PLG: variants seen among roughly 807,000 people sequenced by gnomAD.
PLG encodes the protein plasmin.
In PLG, 41 loss-of-function variants were observed where a neutral mutation model predicts 104.4. The ratio of observed to expected loss-of-function variants is 0.39; its 90% CI spans 0.31 to 0.51. The LOEUF is 0.51. Among genes scored for constraint, PLG ranks in the 20% least tolerant of loss-of-function variants. The pLI is 0.76. For missense variants in PLG, 891 were observed against 1,003.6 expected, an observed-to-expected ratio of 0.89 and a Z score of 1.52; for synonymous variants, 337 against 357.1, an observed-to-expected ratio of 0.94 and a Z score of 0.63.
chr6:160,715,041 C>A (rs1183575463), intron 6 of PLG, 127 bp downstream of exon 6: 3 of 918,336 alleles, frequency 3.3e-6, no homozygotes, highest in Non-Finnish European at 5.2e-6. Context: ...AATTTCAAAG[C>A]TAACCTCCTC....
chr6:160,743,201 T>A (rs756518834), intron 17 of PLG, among the ~76,000 whole-genome samples: 3 of 152,178 alleles, frequency 2.0e-5, no homozygotes, highest in Non-Finnish European at 4.4e-5. Context: ...GTGAAGAATA[T>A]CATTGGCAGT....
Position 160,724,900 on chromosome 6 carries a change from T to TA in PLG, c.1256+2335dup, listed in dbSNP as rs1440053429. 6.6e-6 allele frequency among the ~76,000 whole-genome samples: 1 copy of TA among 152,186 alleles called. No individual in the cohort carries two copies. Among genetic ancestry groups the TA allele is most frequent in the African/African-American group, 2.4e-5 (1 of 41,460 alleles). On this transcript the variant is annotated intron_variant, in intron 10 of 18. Coordinates refer to ENST00000308192, the MANE Select transcript of PLG (RefSeq NM_000301.5). The surrounding 1 kb of genome is among the most constrained non-coding windows in gnomAD (Gnocchi z 5.0). The stretch of plus-strand genomic sequence containing the variant: ...TGCCAGATGGGAACTTTATACTAAG[T>TA]AATGAAGAACCCTGGAAATGGCAAA...
intron 3 of PLG, 21 bp from the exon 4 acceptor site, chr6:160,711,055 CA>C (rs1777631272): frequency 6.2e-7 from 1 of 1,612,038 alleles, no homozygotes. Context: ...AGACTTTGAC[CA>C]CTGTGTGGAC....
rs780494393 is a variant in PLG at position 160,718,726 on chromosome 6, C to T, written c.984C>T (p.Asp328=). ...NLDENYCRNP[D]GKRAPWCHTT... ...ATGAAAACTACTGCCGCAATCCTGACGGAAAAAGGGCCCCATGGTGCCATA... is the reference window on the plus strand; with the variant it reads ...ATGAAAACTACTGCCGCAATCCTGATGGAAAAAGGGCCCCATGGTGCCATA... Residue 328 remains aspartate, a synonymous_variant, in exon 9 of 19, where the codon GAC becomes GAT. Coordinates refer to ENST00000308192, the MANE Select transcript of PLG (RefSeq NM_000301.5). The T allele has an allele frequency of 6.2e-6, 10 of 1,613,748 alleles. No individual in the cohort carries two copies. The highest frequency in any genetic ancestry group is 4.0e-5 in the African/African-American group (3 of 74,876).
chr6:160,750,002 T>A (rs1344469549), intron 17 of PLG, among the ~76,000 whole-genome samples: 1 of 152,130 alleles, frequency 6.6e-6, no homozygotes, highest in Non-Finnish European at 1.5e-5. Context: ...GTTTCTTCAG[T>A]CCCACCGCCA....
intron 17 of PLG, among the ~76,000 whole-genome samples, chr6:160,750,739 AAG>A (rs1778388420): frequency 6.6e-6 from 1 of 152,214 alleles, no homozygotes; most frequent in Admixed American, 6.5e-5. Flanking sequence ...GCTTTGGGGA[AAG>A]AGAGAGTGCC....
rs750439464 is a variant in PLG at position 160,752,221 on chromosome 6, C to A, written c.2232C>A (p.Leu744=). 1.2e-6 allele frequency: 2 copies of A among 1,613,932 alleles called. No individual in the cohort carries two copies. Among genetic ancestry groups the A allele is most frequent in the Non-Finnish European group, 1.7e-6 (2 of 1,179,904 alleles). ...ATGGAAGAGTCCAATCCACCGAACT[C>A]TGTGCTGGGCATTTGGCCGGAGGCA... ...FLNGRVQSTE[L]CAGHLAGGTD... is the part of the protein sequence containing the mutation. The change falls in exon 18 of 19, where the codon CTC becomes CTA. Residue 744 remains leucine, a synonymous_variant. Transcript: ENST00000308192. The surrounding 1 kb of genome is among the most constrained non-coding windows in gnomAD (Gnocchi z 4.7).
chr6:160,715,668 G>A (rs1268420410), intron 6 of PLG, among the ~76,000 whole-genome samples: 1 of 152,154 alleles, frequency 6.6e-6, no homozygotes, highest in Non-Finnish European at 1.5e-5. Flanking sequence ...CAAGAATGCA[G>A]AAGTGAGGCT....
At chr6:160,750,161 T>C (rs568818027) in intron 17 of PLG, among the ~76,000 whole-genome samples, 3 of 152,236 alleles carry the variant, frequency 2.0e-5, no homozygotes, top group Non-Finnish European at 4.4e-5. Flanking sequence ...AGATGTTCCC[T>C]GACTTGGATA....
intron 5 of PLG, among the ~76,000 whole-genome samples, chr6:160,713,828 T>C (rs1369582593): frequency 2.0e-5 from 3 of 152,200 alleles, no homozygotes; most frequent in Non-Finnish European, 4.4e-5. Flanking sequence ...ATTATTTGAA[T>C]GGACTGAGCA....
chr6:160,718,612 C>T (rs1777782899), intron 8 of PLG, 81 bp from the exon 9 acceptor site: 2 of 1,484,920 alleles, frequency 1.3e-6, no homozygotes, highest in Admixed American at 1.7e-5. Flanking sequence ...ACGTTTTTTC[C>T]CGTAACGGTT....
chr6:160,725,076 A>G lies in PLG; in HGVS notation c.1256+2509A>G, dbSNP rs1037421262. On this transcript the variant is annotated intron_variant, in intron 10 of 18. Transcript: ENST00000308192. This position sits in a 1 kb window ranked among gnomAD's most constrained non-coding sequence, Gnocchi z 6.3. ...CTAAAAATACAAAAATTAGCTGGGC[A>G]TGGTGGCACGTGCCTGTAATCCCAG... Among the ~76,000 whole-genome samples, 4 of 152,108 alleles carry G rather than the reference A, an allele frequency of 2.6e-5. No individual in the cohort carries two copies. The highest frequency in any genetic ancestry group is 4.4e-5 in the Non-Finnish European group (3 of 68,008).
In PLG at chr6:160,714,807, T is replaced by C; in HGVS notation, c.561T>C (p.His187=). The part of the protein sequence containing the change: ...DILECEEECM[H]CSGENYDGKI... Reference sequence around the variant, plus strand: ...CACTCTGTCCAGAGGAATGTATGCATTGCAGTGGAGAAAACTATGACGGCA... The same window carrying C: ...CACTCTGTCCAGAGGAATGTATGCACTGCAGTGGAGAAAACTATGACGGCA... Residue 187 remains histidine, a synonymous_variant, in exon 6 of 19, where the codon CAT becomes CAC. Coordinates refer to ENST00000308192, the MANE Select transcript of PLG (RefSeq NM_000301.5). 1 of 1,613,778 alleles carries C rather than the reference T, an allele frequency of 6.2e-7. No homozygotes were observed. Among genetic ancestry groups the C allele is most frequent in the Non-Finnish European group, 8.5e-7 (1 of 1,179,698 alleles).
At position 160,741,378 on chromosome 6, in the gene PLG, C is replaced by T. The variant is rs144869703; in HGVS notation, c.2086C>T (p.Arg696Trp). ...LPSPNYVVADRTECFITGWGE... is the reference protein window; with the variant it reads ...LPSPNYVVADWTECFITGWGE... ...ATCCCCAAATTATGTGGTCGCTGACCGGACCGAATGTTTCATCACTGGCTG... is the reference window on the plus strand; with the variant it reads ...ATCCCCAAATTATGTGGTCGCTGACTGGACCGAATGTTTCATCACTGGCTG... The change falls in exon 17 of 19, where the codon CGG becomes TGG. Residue 696 changes from arginine to tryptophan, a missense_variant. Coordinates refer to ENST00000308192, the MANE Select transcript of PLG (RefSeq NM_000301.5). This position sits in a 1 kb window ranked among gnomAD's most constrained non-coding sequence, Gnocchi z 4.7. 36 of 1,613,062 alleles carry T rather than the reference C, an allele frequency of 2.2e-5. No individual in the cohort carries two copies. The highest frequency in any genetic ancestry group is 2.7e-5 in the African/African-American group (2 of 74,924).
rs1323077430 is a variant in PLG at position 160,724,585 on chromosome 6, G to T, written c.1256+2018G>T. 6.6e-6 allele frequency among the ~76,000 whole-genome samples: 1 copy of T among 152,092 alleles called. No individual in the cohort carries two copies. Among genetic ancestry groups the T allele is most frequent in the Non-Finnish European group, 1.5e-5 (1 of 67,996 alleles). On this transcript the variant is annotated intron_variant, in intron 10 of 18. Coordinates refer to ENST00000308192, the MANE Select transcript of PLG (RefSeq NM_000301.5). The surrounding 1 kb of genome is among the most constrained non-coding windows in gnomAD (Gnocchi z 5.0). The stretch of plus-strand genomic sequence containing the variant: ...AGAAAAATCTTATTAGAAGCCAGAA[G>T]AAGAAAATATATGTTTACACAGAAG...
intron 5 of PLG, chr6:160,713,396 A>C: frequency 2.5e-6 from 1 of 395,600 alleles, no homozygotes. Context: ...CAGCCTCCCA[A>C]GTAGCTGGGA....
In PLG at chr6:160,724,728, C is replaced by T. The variant is rs1387698980; in HGVS notation, c.1256+2161C>T. Among the ~76,000 whole-genome samples the T allele has an allele frequency of 6.6e-6, 1 of 152,050 alleles. No homozygotes were observed. Among genetic ancestry groups the T allele is most frequent in the Non-Finnish European group, 1.5e-5 (1 of 68,010 alleles). On this transcript the variant is annotated intron_variant, in intron 10 of 18. Transcript: ENST00000308192. This position sits in a 1 kb window ranked among gnomAD's most constrained non-coding sequence, Gnocchi z 5.0. ...AAAAGATTAACATAGAATGTTATAT[C>T]CAGCAAAAATATCCCTTGAAAGTGA...
intron 1 of PLG, among the ~76,000 whole-genome samples, chr6:160,704,782 C>A (rs768549078): frequency 6.6e-6 from 1 of 152,090 alleles, no homozygotes; most frequent in South Asian, 2.1e-4. Flanking sequence ...GGACTTTGGC[C>A]GAGGACTTTG....
At chr6:160,728,178 A>G (rs1220586528) in intron 10 of PLG, among the ~76,000 whole-genome samples, 1 of 152,046 alleles carries the variant, frequency 6.6e-6, no homozygotes, top group Non-Finnish European at 1.5e-5. Flanking sequence ...GGAAAATAAA[A>G]ATGTCAGAGC....
Sources: gnomAD v4.1 joint callset for allele counts (sites outside exome capture counted in the v4.1 genomes callset) on GRCh38, gnomAD v4.1.1 for gene constraint, Gnocchi (gnomAD v3.1) non-coding constraint, MANE v1.5 for transcripts, NCBI Gene and HGNC (gene_info 2026-07-23, HGNC 2026-07-21) for gene names.